GLT8D1: variants seen among roughly 807,000 people sequenced by gnomAD.
The protein encoded by GLT8D1 is glycosyltransferase 8 domain containing 1.
In GLT8D1, 41 loss-of-function variants were observed where a neutral mutation model predicts 46.2. The observed-to-expected ratio is 0.89, with a 90% CI of 0.69 to 1.15. The LOEUF (loss-of-function observed/expected upper bound fraction) is 1.15, where lower values mean the gene tolerates loss of function less well. Among genes scored for constraint, GLT8D1 ranks in the 50% most tolerant of loss-of-function variants. The pLI, the probability that GLT8D1 is intolerant of heterozygous loss-of-function variation, is 0.00. For synonymous variants in GLT8D1, 150 were observed against 154.2 expected (o/e 0.97, Z 0.20); for missense variants, 408 against 449.3 (o/e 0.91, Z 0.83).
chr3:52,700,921 C>T (rs1363406345), intron 1 of GLT8D1, among the ~76,000 whole-genome samples: 1 of 151,984 alleles, frequency 6.6e-6, no homozygotes, highest in Non-Finnish European at 1.5e-5. Flanking sequence ...AAAAATTAGC[C>T]AGGTGCAGTG....
At chr3:52,699,130 GAT>G (rs1230370520) in intron 3 of GLT8D1, among the ~76,000 whole-genome samples, 1 of 152,112 alleles carries the variant, frequency 6.6e-6, no homozygotes, top group Middle Eastern at 3.2e-3. Flanking sequence ...CAGAAAAAAA[GAT>G]GTGTAGGAAA....
At chr3:52,704,087 A>G (rs2097341593) in intron 1 of GLT8D1, among the ~76,000 whole-genome samples, 1 of 152,118 alleles carries the variant, frequency 6.6e-6, no homozygotes, top group South Asian at 2.1e-4. Flanking sequence ...ATGGCATATT[A>G]CAGTCAGCCC....
intron 3 of GLT8D1, among the ~76,000 whole-genome samples, chr3:52,698,596 G>A (rs1394178607): frequency 2.0e-5 from 3 of 151,694 alleles, no homozygotes; most frequent in African/African-American, 4.8e-5. Flanking sequence ...CAGGAGAATC[G>A]CTTGAACTCG....
At position 52,697,897 on chromosome 3, in the gene GLT8D1, G is replaced by A. The variant is rs775537311; in HGVS notation, c.153C>T (p.Val51=). 1 of 1,613,408 alleles carries A rather than the reference G, an allele frequency of 6.2e-7. No individual in the cohort carries two copies. The highest frequency in any genetic ancestry group is 1.3e-5 in the African/African-American group (1 of 74,918). Residue 51 remains valine (V), a synonymous_variant, in exon 4 of 10, where the codon GTC becomes GTT. Coordinates refer to ENST00000266014, the MANE Select transcript of GLT8D1 (RefSeq NM_018446.4). ...CTACTGCATGTCGGAGAGCATTTGG[G>A]ACAAAGTCTATAGGTTGAGGCCCTA... ...GIVGPQPIDF[V]PNALRHAVDG... is the part of the protein sequence containing the mutation.
In GLT8D1 at chr3:52,694,729, C is replaced by T. The variant is rs548648907; in HGVS notation, c.*116G>A. On this transcript the variant is annotated 3_prime_UTR_variant, in exon 10 of 10. Transcript: ENST00000266014. ...GTTTGTCATCTTTACCTAGCTGACA[C>T]ATCTTTTTCCATGGCTTGCTACCGA... 30 of 757,566 alleles carry T rather than the reference C, an allele frequency of 4.0e-5. No individual in the cohort carries two copies. The highest frequency in any genetic ancestry group is 2.2e-4 in the Middle Eastern group (1 of 4,474). 46.9% of individuals were successfully genotyped at this position (757,566 alleles called of 1,614,324 possible). A position where few individuals can be genotyped will look rare whatever the true frequency, so the allele number is the denominator to read the frequency against.
Position 52,700,473 on chromosome 3 carries a change from T to G in GLT8D1, c.-13A>C, listed in dbSNP as rs1315434806. 1 of 1,580,594 alleles carries G rather than the reference T, an allele frequency of 6.3e-7. No individual in the cohort carries two copies. The highest frequency in any genetic ancestry group is 1.3e-5 in the African/African-American group (1 of 74,102). On this transcript the variant is annotated 5_prime_UTR_variant, in exon 2 of 10. Transcript: ENST00000266014. ...TACGGAATGACATCTTTTTCTTCTGTCATATAAATATTAGTTTTTAACCCT... is the reference window on the plus strand; with the variant it reads ...TACGGAATGACATCTTTTTCTTCTGGCATATAAATATTAGTTTTTAACCCT...
intron 1 of GLT8D1, chr3:52,703,680 G>A (rs1281348000): frequency 6.6e-6 from 1 of 152,104 alleles, no homozygotes; most frequent in African/African-American, 2.4e-5. Context: ...GCAGTTACGG[G>A]ATCAAGAGGC....
At chr3:52,701,160 T>G (rs951939312) in intron 1 of GLT8D1, 3 of 152,202 alleles carry the variant, frequency 2.0e-5, no homozygotes, top group Non-Finnish European at 4.4e-5. Flanking sequence ...ACCTGAGGTC[T>G]TAGCCTCATC....
Position 52,700,404 on chromosome 3 carries a change from G to T in GLT8D1, c.16+41C>A. 1.9e-6 allele frequency: 3 copies of T among 1,591,188 alleles called. No homozygotes were observed. The South Asian group carries it at 3.3e-5, about 18-fold the overall frequency. ...ACCTATGTTATACCTCTTTATCTTT[G>T]ACCAGGTATAAAAACAACTTAACTT... On this transcript the variant is annotated intron_variant, in intron 2 of 9. Transcript: ENST00000266014.
At chr3:52,698,133 C>T (rs1375151660) in intron 3 of GLT8D1, among the ~76,000 whole-genome samples, 199 bp from the exon 4 acceptor site, 1 of 152,198 alleles carries the variant, frequency 6.6e-6, no homozygotes, top group Admixed American at 6.5e-5. Flanking sequence ...TTTTAAAATA[C>T]ACTGACAGCA....
rs879077708 is a variant in GLT8D1, at chr3:52,697,907, A to G, written c.143T>C (p.Ile48Thr). Reference protein sequence around the residue: ...TDSGIVGPQPIDFVPNALRHA... With the variant: ...TDSGIVGPQPTDFVPNALRHA... ...TCGGAGAGCATTTGGGACAAAGTCT[A>G]TAGGTTGAGGCCCTACAATTCCTGA... The change falls in exon 4 of 10, where the codon ATA becomes ACA. Residue 48 changes from isoleucine to threonine, a missense_variant. Physicochemically the swap from Ile to Thr is moderately conservative, Grantham distance 89. Coordinates refer to ENST00000266014, the MANE Select transcript of GLT8D1 (RefSeq NM_018446.4). 2.0e-5 allele frequency: 32 copies of G among 1,612,446 alleles called. No homozygotes were observed. The highest frequency in any genetic ancestry group is 1.9e-4 in the African/African-American group (14 of 74,918).
At position 52,700,411 on chromosome 3, in the gene GLT8D1, T is replaced by C. The variant is rs779985722; in HGVS notation, c.16+34A>G. 2.5e-6 allele frequency: 4 copies of C among 1,594,862 alleles called. No homozygotes were observed. In the Admixed American group the frequency reaches 5.1e-5, roughly 20 times the overall value. ...TTATACCTCTTTATCTTTGACCAGG[T>C]ATAAAAACAACTTAACTTGTAGAAA... On this transcript the variant is annotated intron_variant, in intron 2 of 9. Coordinates refer to ENST00000266014, the MANE Select transcript of GLT8D1 (RefSeq NM_018446.4).
At chr3:52,699,893 T>C (rs2097337819) in intron 3 of GLT8D1, among the ~76,000 whole-genome samples, 1 of 152,206 alleles carries the variant, frequency 6.6e-6, no homozygotes, top group Admixed American at 6.5e-5. Context: ...CTGTGCGATA[T>C]ATTATACAAC....
rs1159936892 is a variant in GLT8D1, at chr3:52,696,715, G to C, written c.330-56C>G. 3 of 963,334 alleles carry C rather than the reference G, an allele frequency of 3.1e-6. No individual in the cohort carries two copies. In the African/African-American group the frequency reaches 4.8e-5, roughly 16 times the overall value. 59.7% of individuals were successfully genotyped at this position (963,334 alleles called of 1,614,324 possible). A position where few individuals can be genotyped will look rare whatever the true frequency, so the allele number is the denominator to read the frequency against. On this transcript the variant is annotated intron_variant, in intron 4 of 9. Coordinates refer to ENST00000266014, the MANE Select transcript of GLT8D1 (RefSeq NM_018446.4). ...TCAAATAATGTCTCCAAACCAATGA[G>C]GGAATAATGCAAAAGAAACCCTATG... is the stretch of plus-strand genomic sequence containing the variant.
rs1405741203 is a variant in GLT8D1, at chr3:52,695,567, A to AAGAT, written c.662_665dup (p.Asp223SerfsTer2). On this transcript the variant is annotated frameshift_variant, in exon 8 of 10. Transcript: ENST00000266014. LOFTEE classifies it high-confidence loss of function. ...TACGAATTCTTTCCTTTTTATAGTC[A>AAGAT]AGATAGCCAATGTAATTGTACTAAA... 2 of 1,602,590 alleles carry AAGAT rather than the reference A, an allele frequency of 1.2e-6. No homozygotes were observed. Among genetic ancestry groups the AAGAT allele is most frequent in the East Asian group, 2.2e-5 (1 of 44,826 alleles).
intron 7 of GLT8D1, 116 bp downstream of exon 7, chr3:52,695,812 A>T: frequency 1.5e-6 from 1 of 684,206 alleles, no homozygotes; most frequent in Non-Finnish European, 2.6e-6. Context: ...AGCAGGCTTG[A>T]GTTTTGGGAT....
intron 4 of GLT8D1, chr3:52,697,516 C>G (rs1429764596): frequency 1.7e-6 from 1 of 571,864 alleles, no homozygotes; most frequent in Non-Finnish European, 3.1e-6. Flanking sequence ...TACTTCCTGG[C>G]ATGAGCTCCT....
chr3:52,704,492 A>G (rs2097342126), intron 1 of GLT8D1, among the ~76,000 whole-genome samples: 2 of 150,646 alleles, frequency 1.3e-5, no homozygotes, highest in Non-Finnish European at 3.0e-5. Context: ...AAGACCACAC[A>G]GAGATATATC....
rs975562094 is a variant in GLT8D1 at position 52,694,489 on chromosome 3, A to G, written c.*356T>C. ...TCTGGAATAAAAAAAGAAGATACCT[A>G]TTGAAAAATGTAAGTTTTATTTACA... On this transcript the variant is annotated 3_prime_UTR_variant, in exon 10 of 10. Coordinates refer to ENST00000266014, the MANE Select transcript of GLT8D1 (RefSeq NM_018446.4). 3.5e-6 allele frequency: 2 copies of G among 578,382 alleles called. No individual in the cohort carries two copies. The highest frequency in any genetic ancestry group is 4.5e-4 in the Middle Eastern group (1 of 2,210). 35.8% of individuals were successfully genotyped at this position (578,382 alleles called of 1,614,324 possible). A position where few individuals can be genotyped will look rare whatever the true frequency, so the allele number is the denominator to read the frequency against.
Sources: gnomAD v4.1 joint callset for allele counts (sites outside exome capture counted in the v4.1 genomes callset) on GRCh38, gnomAD v4.1.1 for gene constraint, MANE v1.5 for transcripts, NCBI Gene and HGNC (gene_info 2026-07-23, HGNC 2026-07-21) for gene names.